The following RAB11FIP2 variants were observed in gnomAD, a reference collection of about 807,000 sequenced individuals.
RAB11FIP2 encodes the protein rab11 family-interacting protein 2.
RAB11FIP2 carries 16 observed loss-of-function variants against 40.9 expected under a neutral mutation model. The observed-to-expected ratio is 0.39, with a 90% CI of 0.26 to 0.59. RAB11FIP2 has a LOEUF of 0.59. Among genes scored for constraint, RAB11FIP2 ranks in the 20% least tolerant of loss-of-function variants. The pLI, the probability that RAB11FIP2 is intolerant of heterozygous loss-of-function variation, is 0.53. For synonymous variants in RAB11FIP2, 228 were observed against 213.7 expected (o/e 1.07, Z -0.58); for missense variants, 532 against 606.2 (o/e 0.88, Z 1.28).
In RAB11FIP2 at chr10:118,046,058, T is replaced by C. The variant is rs1245121995; in HGVS notation, c.106A>G (p.Thr36Ala). The part of the protein sequence containing the change: ...KPKGKSGTND[T>A]YTIIQLGKEK... ...TTGCCCAGCTGAATTATAGTGTATG[T>C]GTCATTGGTACCACTTTTGCCTTTT... Residue 36 changes from threonine to alanine, a missense_variant, in exon 1 of 5, where the codon ACA (threonine) becomes GCA (alanine). Thr to Ala is a moderately conservative substitution (Grantham distance 58). Coordinates refer to ENST00000355624, the MANE Select transcript of RAB11FIP2 (RefSeq NM_014904.3). 1.2e-6 allele frequency: 2 copies of C among 1,614,192 alleles called. No homozygotes were observed. Among genetic ancestry groups the C allele is most frequent in the South Asian group, 2.2e-5 (2 of 91,092 alleles).
chr10:118,042,743 A>T (rs1846577148), intron 1 of RAB11FIP2, among the ~76,000 whole-genome samples: 1 of 152,122 alleles, frequency 6.6e-6, no homozygotes, highest in Non-Finnish European at 1.5e-5. Flanking sequence ...TTTTTTTAGT[A>T]GGAAACTGTA....
At chr10:118,043,228 C>T (rs1195387065) in intron 1 of RAB11FIP2, among the ~76,000 whole-genome samples, 1 of 151,926 alleles carries the variant, frequency 6.6e-6, no homozygotes, top group Non-Finnish European at 1.5e-5. Context: ...ACAGGTGCAC[C>T]GCTGAGACAC....
intron 1 of RAB11FIP2, among the ~76,000 whole-genome samples, chr10:118,044,787 A>G (rs958505825): frequency 3.3e-5 from 5 of 152,116 alleles, no homozygotes; most frequent in Admixed American, 1.3e-4. Context: ...ATATCATTGT[A>G]AGAAAGTTTT....
intron 4 of RAB11FIP2, among the ~76,000 whole-genome samples, chr10:118,010,753 C>G (rs1451026085): frequency 1.3e-5 from 2 of 152,020 alleles, no homozygotes; most frequent in Non-Finnish European, 2.9e-5. Flanking sequence ...GCTAGGCCTT[C>G]AAGAGTTTGC....
At position 118,045,903 on chromosome 10, in the gene RAB11FIP2, C is replaced by T. The variant is rs1846624874; in HGVS notation, c.261G>A (p.Met87Ile). The T allele has an allele frequency of 6.2e-7, 1 of 1,614,070 alleles. No individual in the cohort carries two copies. The highest frequency in any genetic ancestry group is 1.7e-5 in the Admixed American group (1 of 60,006). The change falls in exon 1 of 5, where the codon ATG becomes ATA. Residue 87 changes from methionine (M) to isoleucine (I), a missense_variant. Transcript: ENST00000355624. ...TATCCAGACCCACCAGGGACCTGTG[C>T]ATAACTATAAGGAAAAGAATGTATT... The part of the protein sequence containing the change: ...PEKYILFLIV[M>I]HRSLVGLDKF...
Position 118,004,958 on chromosome 10 carries a change from T to C in RAB11FIP2, c.*4040A>G. ...AATCAACTATAAGTCAATAATCATA[T>C]ATTATATAAAAATTCTGATTCATGC... On this transcript the variant is annotated 3_prime_UTR_variant, in exon 5 of 5. Transcript: ENST00000355624. 1 of 152,776 alleles carries C rather than the reference T, an allele frequency of 6.5e-6. No individual in the cohort carries two copies. Among genetic ancestry groups the C allele is most frequent in the Non-Finnish European group, 1.5e-5 (1 of 68,020 alleles). The allele number at this position is 152,776 out of a possible 1,614,324, so 9.5% of individuals were successfully genotyped here.
At chr10:118,013,898 AT>A (rs1846184461) in intron 4 of RAB11FIP2, among the ~76,000 whole-genome samples, 1 of 152,050 alleles carries the variant, frequency 6.6e-6, no homozygotes, top group African/African-American at 2.4e-5. Flanking sequence ...CATTAAATCG[AT>A]TTTTTTGATG....
At chr10:118,037,746 T>G (rs1564835541) in intron 3 of RAB11FIP2, among the ~76,000 whole-genome samples, 1 of 152,056 alleles carries the variant, frequency 6.6e-6, no homozygotes, top group African/African-American at 2.4e-5. Flanking sequence ...GAAAATCTTC[T>G]ATTACGTGGT....
At chr10:118,026,265 A>G (rs1589643076) in intron 3 of RAB11FIP2, among the ~76,000 whole-genome samples, 1 of 152,372 alleles carries the variant, frequency 6.6e-6, no homozygotes, top group Admixed American at 6.5e-5. Flanking sequence ...ACAGTCTAAC[A>G]ATACTTAACA....
intron 3 of RAB11FIP2, among the ~76,000 whole-genome samples, chr10:118,019,083 A>G (rs1846254128): frequency 6.6e-6 from 1 of 152,274 alleles, no homozygotes; most frequent in South Asian, 2.1e-4. Flanking sequence ...TGCTTTTATA[A>G]GACAATGTAA....
At position 118,007,324 on chromosome 10, in the gene RAB11FIP2, C is replaced by G. The variant is rs1320415343; in HGVS notation, c.*1674G>C. On this transcript the variant is annotated 3_prime_UTR_variant, in exon 5 of 5. Transcript: ENST00000355624. ...ATTTAATTTTTATGAAAAAAATGTT[C>G]ATAATTTCAAAATGTATGTTCTTAC... 6.6e-6 allele frequency: 1 copy of G among 151,228 alleles called. No homozygotes were observed. Among genetic ancestry groups the G allele is most frequent in the African/African-American group, 2.4e-5 (1 of 41,228 alleles). The allele number at this position is 151,228 out of a possible 1,614,324, so 9.4% of individuals were successfully genotyped here.
At chr10:118,020,520 T>C (rs1846271188) in intron 3 of RAB11FIP2, among the ~76,000 whole-genome samples, 1 of 152,190 alleles carries the variant, frequency 6.6e-6, no homozygotes, top group Non-Finnish European at 1.5e-5. Context: ...TATTATGTTC[T>C]GCCACCGGGA....
At chr10:118,027,130 A>G (rs189670023) in intron 3 of RAB11FIP2, among the ~76,000 whole-genome samples, 6 of 152,330 alleles carry the variant, frequency 3.9e-5, no homozygotes, top group Non-Finnish European at 5.9e-5. Context: ...CACCATGTGT[A>G]AAACACTACC....
At position 118,008,576 on chromosome 10, in the gene RAB11FIP2, T is replaced by C; in HGVS notation, c.*422A>G. On this transcript the variant is annotated 3_prime_UTR_variant, in exon 5 of 5. Transcript: ENST00000355624. Reference sequence around the variant, plus strand: ...TAAACTGTTTTTTTAGTAGTGTTTATAACGAGCAGTATTCCTGAAGCTAAA... The same window carrying C: ...TAAACTGTTTTTTTAGTAGTGTTTACAACGAGCAGTATTCCTGAAGCTAAA... 5.5e-6 allele frequency: 1 copy of C among 182,954 alleles called. No homozygotes were observed. Among genetic ancestry groups the C allele is most frequent in the East Asian group, 1.3e-4 (1 of 7,620 alleles). The allele number at this position is 182,954 out of a possible 1,614,324, so 11.3% of individuals were successfully genotyped here.
chr10:118,024,141 A>T (rs932718269), intron 3 of RAB11FIP2, among the ~76,000 whole-genome samples: 20 of 151,952 alleles, frequency 1.3e-4, no homozygotes, highest in African/African-American at 4.3e-4. Context: ...AAAGACAGTC[A>T]AACAACCCAC....
intron 3 of RAB11FIP2, among the ~76,000 whole-genome samples, chr10:118,031,648 T>TAA (rs1437842791): frequency 1.3e-5 from 2 of 152,146 alleles, no homozygotes; most frequent in Non-Finnish European, 1.5e-5. Context: ...GTCTGCATCT[T>TAA]AGATACTATT....
chr10:118,019,770 G>A (rs1846261511), intron 3 of RAB11FIP2, among the ~76,000 whole-genome samples: 1 of 151,270 alleles, frequency 6.6e-6, no homozygotes, highest in Non-Finnish European at 1.5e-5. Flanking sequence ...AGCTTGCAGT[G>A]AGCCGAGATC....
rs1297412017 is a variant in RAB11FIP2, at chr10:118,032,140, A to C, written c.1265+6832T>G. 2.0e-5 allele frequency among the ~76,000 whole-genome samples: 3 copies of C among 152,062 alleles called. No homozygotes were observed. The East Asian group carries it at 5.8e-4, about 29-fold the overall frequency. On this transcript the variant is annotated intron_variant, in intron 3 of 4. Transcript: ENST00000355624. The stretch of plus-strand genomic sequence containing the variant: ...TCTCTCAAGCAGAATTCCCTTCAGT[A>C]GGTGGAGTTCTGTGGTCCTGAAATT...
chr10:118,007,937 A>C lies in RAB11FIP2; in HGVS notation c.*1061T>G, dbSNP rs1846112967. On this transcript the variant is annotated 3_prime_UTR_variant, in exon 5 of 5. Coordinates refer to ENST00000355624, the MANE Select transcript of RAB11FIP2 (RefSeq NM_014904.3). Reference sequence around the variant, plus strand: ...AAGGCAACCATCTGCTCTATTATTTATGTAACCTGAAACCAAGCCTAATTC... The same window carrying C: ...AAGGCAACCATCTGCTCTATTATTTCTGTAACCTGAAACCAAGCCTAATTC... 6.6e-6 allele frequency: 1 copy of C among 152,520 alleles called. No individual in the cohort carries two copies. The highest frequency in any genetic ancestry group is 1.5e-5 in the Non-Finnish European group (1 of 67,992). The allele number at this position is 152,520 out of a possible 1,614,324, so 9.4% of individuals were successfully genotyped here.
Sources: allele counts gnomAD v4.1 joint callset (sites outside exome capture counted in the v4.1 genomes callset), GRCh38; gene constraint gnomAD v4.1.1; transcripts MANE v1.5; gene names NCBI Gene and HGNC (gene_info 2026-07-23, HGNC 2026-07-21).